RBBP8: variants seen among roughly 807,000 people sequenced by gnomAD.
RBBP8 encodes the protein RB binding protein 8, endonuclease.
Under a neutral mutation model 108.3 loss-of-function variants are expected in RBBP8, and 88 were observed. The observed-to-expected ratio is 0.81, with a 90% confidence interval of 0.68 to 0.97. RBBP8 has a LOEUF of 0.97. Among genes scored for constraint, RBBP8 ranks in the 50% least tolerant of loss-of-function variants. The probability of loss-of-function intolerance (pLI) is 0.00; values close to 1 mark genes in which losing one functional copy is unlikely to be tolerated. For synonymous variants in RBBP8, 332 were observed against 348.2 expected (o/e 0.95, Z 0.52); for missense variants, 1,023 against 1,049.0 (o/e 0.98, Z 0.34).
At chr18:23,002,011 T>G (rs1300537084) in intron 15 of RBBP8, among the ~76,000 whole-genome samples, 1 of 152,228 alleles carries the variant, frequency 6.6e-6, no homozygotes, top group Non-Finnish European at 1.5e-5. Context: ...AAGATTAGTT[T>G]GGTATTACAA....
chr18:22,943,036 C>A (rs914720233), intron 2 of RBBP8, among the ~76,000 whole-genome samples: 3 of 151,952 alleles, frequency 2.0e-5, no homozygotes, highest in African/African-American at 7.3e-5. Context: ...ATAAATATTT[C>A]TTGATTCATT....
At chr18:22,953,452 C>T (rs1912213641) in intron 4 of RBBP8, among the ~76,000 whole-genome samples, 1 of 152,202 alleles carries the variant, frequency 6.6e-6, no homozygotes, top group Non-Finnish European at 1.5e-5. Flanking sequence ...ATAACATTTT[C>T]ATTATGTTTT....
At chr18:22,995,558 T>C (rs1460098745) in intron 12 of RBBP8, among the ~76,000 whole-genome samples, 1 of 152,230 alleles carries the variant, frequency 6.6e-6, no homozygotes, top group Non-Finnish European at 1.5e-5. Flanking sequence ...TTCATCACTT[T>C]CCTTCCCCAT....
chr18:22,974,814 T>G (rs941178072), intron 5 of RBBP8, among the ~76,000 whole-genome samples: 1 of 152,196 alleles, frequency 6.6e-6, no homozygotes, highest in Non-Finnish European at 1.5e-5. Flanking sequence ...TAAAATGGTA[T>G]TTGAAATTAG....
intron 4 of RBBP8, among the ~76,000 whole-genome samples, chr18:22,951,796 A>G (rs1274067340): frequency 6.6e-6 from 1 of 152,236 alleles, no homozygotes; most frequent in Non-Finnish European, 1.5e-5. Context: ...GAAACTCAGG[A>G]AAACATTTAT....
At chr18:22,991,866 A>G (rs1485332201) in intron 10 of RBBP8, among the ~76,000 whole-genome samples, 1 of 152,206 alleles carries the variant, frequency 6.6e-6, no homozygotes, top group Non-Finnish European at 1.5e-5. Flanking sequence ...ATAGATATCT[A>G]TCTATCTATA....
Position 22,952,133 on chromosome 18 carries a change from A to G in RBBP8, c.248+2420A>G, listed in dbSNP as rs148204165. Among the ~76,000 whole-genome samples the G allele has an allele frequency of 8.4e-3, 1,276 of 152,318 alleles. 17 individuals are homozygous for G. Among genetic ancestry groups the G allele is most frequent in the African/African-American group, 0.029 (1,206 of 41,566 alleles). ...GTGAGATTGGAAATCTAGTGGGGCA[A>G]CAACTAGATTTCGTAGGGACATAGG... On this transcript the variant is annotated intron_variant, in intron 4 of 18. Transcript: ENST00000327155.
At chr18:22,914,589 T>A (rs1379805) in intron 1 of RBBP8, among the ~76,000 whole-genome samples, 19 of 152,048 alleles carry the variant, frequency 1.2e-4, no homozygotes, top group Non-Finnish European at 2.1e-4. Context: ...AAATTTCACA[T>A]ATTAATGATT....
intron 13 of RBBP8, among the ~76,000 whole-genome samples, chr18:22,996,954 C>T (rs563707971): frequency 2.2e-4 from 34 of 152,312 alleles, no homozygotes; most frequent in Admixed American, 5.2e-4. Context: ...GGTATGATCA[C>T]ACCACTGCAC....
intron 2 of RBBP8, among the ~76,000 whole-genome samples, chr18:22,943,405 C>T (rs1467957056): frequency 2.6e-5 from 4 of 152,110 alleles, no homozygotes; most frequent in African/African-American, 7.2e-5. Flanking sequence ...CACCACTGCA[C>T]CCCAGCCTGG....
intron 2 of RBBP8, among the ~76,000 whole-genome samples, chr18:22,942,452 G>A (rs1196100612): frequency 6.6e-6 from 1 of 152,012 alleles, no homozygotes; most frequent in Non-Finnish European, 1.5e-5. Context: ...GGCAAGAATA[G>A]ACAAAATGCT....
chr18:22,926,428 T>C (rs1286704298), intron 3 of RBBP8, among the ~76,000 whole-genome samples: 5 of 152,014 alleles, frequency 3.3e-5, no homozygotes, highest in Non-Finnish European at 7.4e-5. Context: ...TGTATCAAAA[T>C]AAATAAATAA....
intron 5 of RBBP8, among the ~76,000 whole-genome samples, chr18:22,969,169 G>A (rs1913877942): frequency 6.6e-6 from 1 of 151,158 alleles, no homozygotes; most frequent in Admixed American, 6.6e-5. Context: ...ACAAGAAGCA[G>A]GTGGTGTTTT....
At chr18:23,013,062 A>G (rs890304919) in intron 16 of RBBP8, among the ~76,000 whole-genome samples, 1 of 151,954 alleles carries the variant, frequency 6.6e-6, no homozygotes, top group Admixed American at 6.6e-5. Context: ...TTTTAAGCCT[A>G]TTGATCAGAA....
At chr18:22,951,244 G>T (rs1326463681) in intron 4 of RBBP8, among the ~76,000 whole-genome samples, 1 of 152,178 alleles carries the variant, frequency 6.6e-6, no homozygotes, top group Non-Finnish European at 1.5e-5. Context: ...GTATGTCATG[G>T]ATTAAATGAG....
In RBBP8 at chr18:22,936,881, C is replaced by T. The variant is rs1228162464; in HGVS notation, c.30C>T (p.Ser10=). 1.2e-6 allele frequency: 2 copies of T among 1,614,110 alleles called. No individual in the cohort carries two copies. Among genetic ancestry groups the T allele is most frequent in the Non-Finnish European group, 1.7e-6 (2 of 1,180,016 alleles). The change falls in exon 2 of 19, where the codon AGC becomes AGT. Residue 10 remains serine (S), a synonymous_variant. Coordinates refer to ENST00000327155, the MANE Select transcript of RBBP8 (RefSeq NM_002894.3). ...ACATCTCGGGAAGCAGCTGTGGAAG[C>T]CCTAACTCTGCAGATACATCTAGTG... MNISGSSCG[S]PNSADTSSDF...
At chr18:22,923,985 T>C (rs1693843005) in intron 3 of RBBP8, among the ~76,000 whole-genome samples, 1 of 152,138 alleles carries the variant, frequency 6.6e-6, no homozygotes, top group Non-Finnish European at 1.5e-5. Context: ...GTGAGATGAT[T>C]ATAATAGGTG....
At position 22,945,740 on chromosome 18, in the gene RBBP8, G is replaced by A. The variant is rs565321431; in HGVS notation, c.110-704G>A. Among the ~76,000 whole-genome samples, 4 of 152,242 alleles carry A rather than the reference G, an allele frequency of 2.6e-5. No individual in the cohort carries two copies. In the South Asian group the frequency reaches 6.2e-4, roughly 24 times the overall value. ...TTTTATAATTTTTACAATTTTGCTA[G>A]TTGTTTTGGTTTGACTTATATTTAG... On this transcript the variant is annotated intron_variant, in intron 2 of 18. Transcript: ENST00000327155.
intron 10 of RBBP8, among the ~76,000 whole-genome samples, chr18:22,992,045 C>T (rs543715578): frequency 2.2e-4 from 34 of 152,312 alleles, no homozygotes; most frequent in Non-Finnish European, 3.7e-4. Context: ...ACCCAGCCCA[C>T]ATCTTCAAAC....
Sources: allele counts gnomAD v4.1 joint callset (sites outside exome capture counted in the v4.1 genomes callset), GRCh38; gene constraint gnomAD v4.1.1; transcripts MANE v1.5; gene names NCBI Gene and HGNC (gene_info 2026-07-23, HGNC 2026-07-21).